The following SPAG1 variants were observed in gnomAD, a reference collection of about 807,000 sequenced individuals.
SPAG1 encodes the protein sperm associated antigen 1.
A neutral mutation model predicts 100.5 loss-of-function variants in SPAG1; 69 were observed. The ratio of observed to expected loss-of-function variants is 0.69; its 90% confidence interval spans 0.57 to 0.84. The LOEUF (loss-of-function observed/expected upper bound fraction) is 0.84, where lower values mean the gene tolerates loss of function less well. Among genes scored for constraint, SPAG1 ranks in the 40% least tolerant of loss-of-function variants. SPAG1 has a pLI of 0.00. For missense variants in SPAG1, 955 were observed against 1,133.1 expected (o/e 0.84, Z 2.26); for synonymous variants, 336 against 411.6 (o/e 0.82, Z 2.22).
chr8:100,193,513 C>T (rs1816900183), intron 9 of SPAG1, among the ~76,000 whole-genome samples: 2 of 152,126 alleles, frequency 1.3e-5, no homozygotes, highest in African/African-American at 4.8e-5. Flanking sequence ...AAGCCACAGA[C>T]CACAGACTGG....
chr8:100,176,136 C>T (rs1019757779), intron 3 of SPAG1, among the ~76,000 whole-genome samples: 18 of 152,236 alleles, frequency 1.2e-4, no homozygotes, highest in African/African-American at 4.1e-4. Context: ...TTCTCAATGG[C>T]GCCTGGAAAC....
rs954785016 is a variant in SPAG1 at position 100,239,724 on chromosome 8, G to A, written c.2280+320G>A. On this transcript the variant is annotated intron_variant, in intron 17 of 18. Coordinates refer to ENST00000388798, the MANE Select transcript of SPAG1 (RefSeq NM_003114.5). The surrounding 1 kb of genome is among the most constrained non-coding windows in gnomAD (Gnocchi z 5.0). ...CTGACTTTGCTCCAGGGTAGACCTGGAGAATCCTGACGGGACTGATTTTGT... is the reference window on the plus strand; with the variant it reads ...CTGACTTTGCTCCAGGGTAGACCTGAAGAATCCTGACGGGACTGATTTTGT... Among the ~76,000 whole-genome samples the A allele has an allele frequency of 6.6e-6, 1 of 152,196 alleles. No individual in the cohort carries two copies. The highest frequency in any genetic ancestry group is 6.5e-5 in the Admixed American group (1 of 15,288).
chr8:100,224,949 CTTTT>C (rs562849309), intron 13 of SPAG1, among the ~76,000 whole-genome samples: 30 of 152,054 alleles, frequency 2.0e-4, no homozygotes, highest in African/African-American at 6.5e-4. Context: ...TTAAAAATGT[CTTTT>C]TTGTTTTGAT....
intron 9 of SPAG1, among the ~76,000 whole-genome samples, chr8:100,192,020 G>A (rs1297020519): frequency 6.6e-6 from 1 of 152,116 alleles, no homozygotes; most frequent in Admixed American, 6.5e-5. Context: ...GATATCCTGA[G>A]TCAAACACGA....
chr8:100,231,886 C>T (rs905248775), intron 15 of SPAG1, among the ~76,000 whole-genome samples: 5 of 151,494 alleles, frequency 3.3e-5, no homozygotes, highest in South Asian at 2.1e-4. Context: ...GGCGTGAACC[C>T]GGGAGGCAGA....
chr8:100,225,187 T>C lies in SPAG1; in HGVS notation c.1703T>C (p.Leu568Ser). The change falls in exon 14 of 19, where the codon TTA becomes TCA. Residue 568 changes from leucine (L) to serine (S), a missense_variant. Transcript: ENST00000388798. ...NDSVNRLSRI[L>S]MELDGPNWRE... ...TTTCTCTTTAGGCTATCAAGAATTT[T>C]AATGGAGCTGGATGGACCAAATTGG... 1 of 1,610,890 alleles carries C rather than the reference T, an allele frequency of 6.2e-7. No homozygotes were observed. The highest frequency in any genetic ancestry group is 8.5e-7 in the Non-Finnish European group (1 of 1,177,948).
chr8:100,210,195 T>G (rs1459222394), intron 10 of SPAG1, among the ~76,000 whole-genome samples: 3 of 152,148 alleles, frequency 2.0e-5, no homozygotes, highest in Non-Finnish European at 4.4e-5. Context: ...TTCTGAGTTT[T>G]TTTTTTTTTT....
At position 100,240,419 on chromosome 8, in the gene SPAG1, A is replaced by G. The variant is rs754604626; in HGVS notation, c.2297A>G (p.Glu766Gly). The change falls in exon 18 of 19, where the codon GAG (glutamate) becomes GGG (glycine). Residue 766 changes from glutamate to glycine, a missense_variant. Glu to Gly is a moderately conservative substitution (Grantham distance 98, BLOSUM62 -2). Coordinates refer to ENST00000388798, the MANE Select transcript of SPAG1 (RefSeq NM_003114.5). ...IEIQEVNEGK[E>G]EPGRPAGEVS... is the part of the protein sequence containing the mutation. ...TTCATGAAGGTGAATGAAGGCAAGG[A>G]GGAGCCTGGAAGACCTGCAGGGGAG... The G allele has an allele frequency of 1.3e-6, 2 of 1,597,632 alleles. No individual in the cohort carries two copies. Among genetic ancestry groups the G allele is most frequent in the Admixed American group, 3.6e-5 (2 of 54,970 alleles).
At chr8:100,165,721 C>A in intron 2 of SPAG1, 93 bp from the exon 3 acceptor site, 1 of 987,388 alleles carries the variant, frequency 1.0e-6, no homozygotes, top group Non-Finnish European at 1.5e-6. Flanking sequence ...CTCCACAGAA[C>A]CTCAGGGTTC....
intron 7 of SPAG1, among the ~76,000 whole-genome samples, chr8:100,186,440 T>C (rs1169808822): frequency 6.6e-6 from 1 of 152,142 alleles, no homozygotes; most frequent in Non-Finnish European, 1.5e-5. Context: ...AAGTGATCTA[T>C]AGGTATTTAT....
chr8:100,177,867 A>G lies in SPAG1; in HGVS notation c.352A>G (p.Thr118Ala). 1.3e-6 allele frequency: 2 copies of G among 1,593,768 alleles called. No homozygotes were observed. The highest frequency in any genetic ancestry group is 1.7e-6 in the Non-Finnish European group (2 of 1,161,666). Residue 118 changes from threonine to alanine, a missense_variant, in exon 4 of 19, where the codon ACT becomes GCT. Physicochemically the swap from Thr to Ala is moderately conservative, Grantham distance 58 (BLOSUM62 0). Transcript: ENST00000388798. ...KEEDKMHFHE[T>A]ETFPAMKDNL... ...AGAAGATAAAATGCACTTTCATGAA[A>G]CTGAGACATTTCCAGCAATGAAAGA... is the stretch of plus-strand genomic sequence containing the variant.
At position 100,220,305 on chromosome 8, in the gene SPAG1, T is replaced by C. The variant is rs140258045; in HGVS notation, c.1562T>C (p.Met521Thr). Residue 521 changes from methionine to threonine, a missense_variant, in exon 13 of 19, where the codon ATG (methionine) becomes ACG (threonine). Physicochemically the swap from Met to Thr is moderately conservative, Grantham distance 81 (BLOSUM62 -1). Coordinates refer to ENST00000388798, the MANE Select transcript of SPAG1 (RefSeq NM_003114.5). ...GCTCTGGAACTTCATCCATTCTCTA[T>C]GAAACCTCTTCTGAGGCGGGCGATG... ...NRALELHPFSMKPLLRRAMAY... is the reference protein window; with the variant it reads ...NRALELHPFSTKPLLRRAMAY... 47 of 1,613,046 alleles carry C rather than the reference T, an allele frequency of 2.9e-5. No individual in the cohort carries two copies. In the African/African-American group the frequency reaches 6.0e-4, roughly 21 times the overall value.
chr8:100,226,714 A>T (rs771187619), intron 14 of SPAG1, among the ~76,000 whole-genome samples: 5 of 152,100 alleles, frequency 3.3e-5, no homozygotes, highest in Non-Finnish European at 5.9e-5. Flanking sequence ...AAAAAAAAAA[A>T]TTTAAATAAC....
intron 10 of SPAG1, among the ~76,000 whole-genome samples, chr8:100,211,194 G>A (rs1817703850): frequency 6.6e-6 from 1 of 152,120 alleles, no homozygotes; most frequent in South Asian, 2.1e-4. Context: ...TGATCTACAT[G>A]TAGAGCCACC....
rs1481073571 is a variant in SPAG1, at chr8:100,239,844, C to T, written c.2280+440C>T. On this transcript the variant is annotated intron_variant, in intron 17 of 18. Coordinates refer to ENST00000388798, the MANE Select transcript of SPAG1 (RefSeq NM_003114.5). The surrounding 1 kb of genome is among the most constrained non-coding windows in gnomAD (Gnocchi z 5.0). ...AATATGACTGCCTCATCAGAGATCT[C>T]GAACTACCTCAGGATCAAACTGCTT... 2.6e-5 allele frequency among the ~76,000 whole-genome samples: 4 copies of T among 152,212 alleles called. No homozygotes were observed. Among genetic ancestry groups the T allele is most frequent in the Non-Finnish European group, 5.9e-5 (4 of 68,040 alleles).
chr8:100,172,599 G>A (rs1340288037), intron 3 of SPAG1, among the ~76,000 whole-genome samples: 1 of 151,826 alleles, frequency 6.6e-6, no homozygotes, highest in Non-Finnish European at 1.5e-5. Context: ...CAGCCTGGGA[G>A]ACAGAGCTAG....
intron 13 of SPAG1, among the ~76,000 whole-genome samples, chr8:100,222,346 G>A (rs1300555145): frequency 6.6e-6 from 1 of 152,094 alleles, no homozygotes; most frequent in East Asian, 1.9e-4. Flanking sequence ...TTCTTTTCCT[G>A]TAGCTGTAGC....
chr8:100,187,092 T>C, intron 7 of SPAG1, 28 bp from the exon 8 acceptor site: 1 of 1,592,342 alleles, frequency 6.3e-7, no homozygotes, highest in Non-Finnish European at 8.5e-7. Context: ...TTAGGCTTGC[T>C]TGTTGCCAGT....
chr8:100,212,419 C>A (rs1328700037), intron 10 of SPAG1, among the ~76,000 whole-genome samples: 1 of 152,090 alleles, frequency 6.6e-6, no homozygotes, highest in Non-Finnish European at 1.5e-5. Context: ...TTTACACATC[C>A]TTTTTATATT....
Sources: gnomAD v4.1 joint callset for allele counts (sites outside exome capture counted in the v4.1 genomes callset) on GRCh38, gnomAD v4.1.1 for gene constraint, Gnocchi (gnomAD v3.1) non-coding constraint, MANE v1.5 for transcripts, NCBI Gene and HGNC (gene_info 2026-07-23, HGNC 2026-07-21) for gene names.